Variants in RASA3 observed in about 807,000 individuals in gnomAD.
RASA3 encodes RAS p21 protein activator 3.
RASA3 carries 73 observed loss-of-function variants against 110.0 expected under a neutral mutation model. The ratio of observed to expected loss-of-function variants is 0.66; its 90% CI spans 0.55 to 0.81. The LOEUF (loss-of-function observed/expected upper bound fraction) is 0.81. Ranked by LOEUF, RASA3 falls within the 30% of genes least tolerant of loss-of-function variation. The pLI, the probability that RASA3 is intolerant of heterozygous loss-of-function variation, is 0.00. For synonymous variants in RASA3, 500 were observed against 451.4 expected (o/e 1.11, Z -1.37); for missense variants, 976 against 1,113.2 (o/e 0.88, Z 1.75).
intron 3 of RASA3, among the ~76,000 whole-genome samples, chr13:114,043,525 G>A (rs1165387089): frequency 6.6e-6 from 1 of 152,120 alleles, no homozygotes; most frequent in African/African-American, 2.4e-5. Context: ...CAGCACACAG[G>A]CACTCATGGG....
Position 114,017,425 on chromosome 13 carries a change from G to A in RASA3, c.1092-74C>T, listed in dbSNP as rs1229072231. 22 of 1,162,514 alleles carry A rather than the reference G, an allele frequency of 1.9e-5. 1 individual carries two copies. Among genetic ancestry groups the A allele is most frequent in the South Asian group, 1.2e-4 (8 of 68,480 alleles). The allele number at this position is 1,162,514 out of a possible 1,614,324, so 72.0% of individuals were successfully genotyped here. A position where few individuals can be genotyped will look rare whatever the true frequency, so the allele number is the denominator to read the frequency against. ...TGCAGACGGAGCAGAGCCTGGCCCC[G>A]AGCACCTGCCTGTGGGCTGTGAGGT... On this transcript the variant is annotated intron_variant, in intron 11 of 23. Coordinates refer to ENST00000334062, the MANE Select transcript of RASA3 (RefSeq NM_007368.4).
intron 2 of RASA3, among the ~76,000 whole-genome samples, chr13:114,066,979 TACCTGGGCTGAGGACGGGCCCCCCA>T (rs1566545655): frequency 5.8e-5 from 7 of 120,252 alleles, no homozygotes; most frequent in South Asian, 2.9e-4. Context: ...CAGGCCCCCC[TACCTGGGCTGAGGACGGGCCCCCCA>T]ACCTGGGCTG....
chr13:114,047,562 G>A (rs1594384242), intron 3 of RASA3, among the ~76,000 whole-genome samples: 2 of 152,242 alleles, frequency 1.3e-5, no homozygotes, highest in African/African-American at 2.4e-5. Context: ...TTATCTCAGA[G>A]TAAGAAACAG....
intron 1 of RASA3, among the ~76,000 whole-genome samples, chr13:114,128,710 A>G (rs2080481040): frequency 6.6e-6 from 1 of 152,278 alleles, no homozygotes; most frequent in Admixed American, 6.5e-5. Context: ...GACAAGCTCC[A>G]GCCTCACAGG....
intron 2 of RASA3, among the ~76,000 whole-genome samples, chr13:114,071,425 G>A (rs751812905): frequency 3.3e-5 from 5 of 152,194 alleles, no homozygotes; most frequent in African/African-American, 4.8e-5. Flanking sequence ...GAGGATCCCG[G>A]CCTGAGAAAG....
chr13:113,995,247 C>A (rs1466912063), intron 21 of RASA3, among the ~76,000 whole-genome samples: 1 of 152,258 alleles, frequency 6.6e-6, no homozygotes, highest in Non-Finnish European at 1.5e-5. Context: ...CAATGCTTCC[C>A]GCTGTCCTGG....
At chr13:114,013,468 C>T (rs560433835) in intron 14 of RASA3, among the ~76,000 whole-genome samples, 17 of 142,014 alleles carry the variant, frequency 1.2e-4, no homozygotes, top group Admixed American at 1.1e-3. Flanking sequence ...TGTCTCTCTC[C>T]CTGTCTCTCT....
intron 2 of RASA3, among the ~76,000 whole-genome samples, chr13:114,059,578 C>T (rs1174769131): frequency 6.6e-6 from 1 of 152,264 alleles, no homozygotes; most frequent in East Asian, 1.9e-4. Context: ...GCCCTCTCCA[C>T]AGTGCAGCCT....
chr13:114,027,998 G>T, intron 5 of RASA3, 71 bp from the exon 6 acceptor site: 1 of 1,358,450 alleles, frequency 7.4e-7, no homozygotes, highest in Non-Finnish European at 1.0e-6. Context: ...ACAGCTCTGG[G>T]TCAGGCAGGA....
chr13:114,007,747 C>A, intron 17 of RASA3, 141 bp from the exon 18 acceptor site: 1 of 718,570 alleles, frequency 1.4e-6, no homozygotes. Context: ...AGTCCTTCCC[C>A]GAGGGCTGTG....
In RASA3 at chr13:114,096,770, A is replaced by G. The variant is rs995737227; in HGVS notation, c.56-22933T>C. On this transcript the variant is annotated intron_variant, in intron 1 of 23. Transcript: ENST00000334062. The surrounding 1 kb of genome is among the most constrained non-coding windows in gnomAD (Gnocchi z 5.1). ...ACAGCTCTCCAGCACCCACCGAATG[A>G]AGCACTGACCCTTCAGCCAGGCTCT... 5.3e-5 allele frequency among the ~76,000 whole-genome samples: 8 copies of G among 152,018 alleles called. No individual in the cohort carries two copies. The highest frequency in any genetic ancestry group is 1.9e-4 in the African/African-American group (8 of 41,380).
At chr13:114,123,061 T>C (rs9314897) in intron 1 of RASA3, among the ~76,000 whole-genome samples, 93,731 of 152,162 alleles carry the variant, frequency 0.62, 29,382 homozygotes, top group Non-Finnish European at 0.65. Flanking sequence ...CTTCGGTGCG[T>C]GCCCGGCATG....
At chr13:114,107,258 C>T (rs1340968870) in intron 1 of RASA3, among the ~76,000 whole-genome samples, 6 of 152,120 alleles carry the variant, frequency 3.9e-5, no homozygotes, top group South Asian at 4.2e-4. Flanking sequence ...TCCTGGTCTT[C>T]GCAGGGGATG....
rs1428033208 is a variant in RASA3, at chr13:114,065,049, C to A, written c.173+8671G>T. ...TTTCACAGAATCAAGCAAACTTTCA[C>A]GGGGAAAAAAGAAAAAACCTCTTGC... On this transcript the variant is annotated intron_variant, in intron 2 of 23. Coordinates refer to ENST00000334062, the MANE Select transcript of RASA3 (RefSeq NM_007368.4). The surrounding 1 kb of genome is among the most constrained non-coding windows in gnomAD (Gnocchi z 4.1). Among the ~76,000 whole-genome samples, 5 of 152,170 alleles carry A rather than the reference C, an allele frequency of 3.3e-5. No individual in the cohort carries two copies. The highest frequency in any genetic ancestry group is 7.3e-5 in the Non-Finnish European group (5 of 68,028).
intron 1 of RASA3, among the ~76,000 whole-genome samples, chr13:114,130,827 A>T (rs2080508319): frequency 6.6e-6 from 1 of 151,938 alleles, no homozygotes; most frequent in African/African-American, 2.4e-5. Flanking sequence ...ACCCACCTCC[A>T]GCCCTCCTGC....
intron 14 of RASA3, 37 bp from the exon 15 acceptor site, chr13:114,013,285 G>A: frequency 6.5e-7 from 1 of 1,529,630 alleles, no homozygotes; most frequent in Non-Finnish European, 9.0e-7. Flanking sequence ...GTTTTCCTCG[G>A]GCACAATGGC....
chr13:114,103,298 G>C (rs1457855952), intron 1 of RASA3, among the ~76,000 whole-genome samples: 1 of 152,112 alleles, frequency 6.6e-6, no homozygotes, highest in Non-Finnish European at 1.5e-5. Context: ...CACAGTGAAG[G>C]CTGCCCTGGC....
Position 114,016,276 on chromosome 13 carries a change from G to A in RASA3, c.1207-5C>T, listed in dbSNP as rs766027769. ...GGGTTTGTGGCTCTGGCATATCTGG[G>A]GAGAGGTTTAAGACAGGGCTCTGTG... On this transcript the variant is annotated splice_polypyrimidine_tract_variant and splice_region_variant and intron_variant, in intron 12 of 23. Transcript: ENST00000334062. 5.7e-6 allele frequency: 9 copies of A among 1,581,634 alleles called. No individual in the cohort carries two copies. The highest frequency in any genetic ancestry group is 1.7e-4 in the Middle Eastern group (1 of 6,006).
At position 114,024,162 on chromosome 13, in the gene RASA3, C is replaced by T. The variant is rs1247602154; in HGVS notation, c.680+117G>A. The stretch of plus-strand genomic sequence containing the variant: ...TCTAACATCCTGTTGTGAAAATTAC[C>T]AAGAAAATGGAAATTCATTTCTATC... On this transcript the variant is annotated intron_variant, in intron 8 of 23. Transcript: ENST00000334062. 1.6e-5 allele frequency: 18 copies of T among 1,101,706 alleles called. No homozygotes were observed. The Middle Eastern group carries it at 8.2e-4, about 50-fold the overall frequency. 68.2% of individuals were successfully genotyped at this position (1,101,706 alleles called of 1,614,324 possible).
Sources: gnomAD v4.1 joint callset for allele counts (sites outside exome capture counted in the v4.1 genomes callset) on GRCh38, gnomAD v4.1.1 for gene constraint, Gnocchi (gnomAD v3.1) non-coding constraint, MANE v1.5 for transcripts, NCBI Gene and HGNC (gene_info 2026-07-23, HGNC 2026-07-21) for gene names.